DNAH17: variants seen among roughly 807,000 people sequenced by gnomAD.
DNAH17 encodes axonemal beta dynein heavy chain 17.
In DNAH17, 376 loss-of-function variants were observed where a neutral mutation model predicts 485.6. That is an observed-to-expected ratio of 0.77 (90% CI 0.71 to 0.84). The LOEUF (loss-of-function observed/expected upper bound fraction) is 0.84, where lower values mean the gene tolerates loss of function less well. DNAH17 is among the 40% of genes least tolerant of loss of function. The pLI is 0.00. For synonymous variants in DNAH17, 3,031 were observed against 2,405.9 expected (o/e 1.26, Z -7.60); for missense variants, 6,370 against 5,839.3 (o/e 1.09, Z -2.96).
At chr17:78,482,213 C>T (rs889018448) in intron 48 of DNAH17, among the ~76,000 whole-genome samples, 7 of 151,690 alleles carry the variant, frequency 4.6e-5, no homozygotes, top group Admixed American at 1.3e-4. Context: ...CTACCATGCC[C>T]GGCTAAGTTT....
intron 16 of DNAH17, among the ~76,000 whole-genome samples, chr17:78,544,893 C>T (rs952271084): frequency 1.3e-5 from 2 of 149,898 alleles, no homozygotes; most frequent in African/African-American, 2.5e-5. Flanking sequence ...ATTTTTTTTC[C>T]CTACACATCT....
intron 25 of DNAH17, 145 bp downstream of exon 25, chr17:78,524,864 G>T (rs992595520): frequency 1.6e-5 from 18 of 1,119,998 alleles, no homozygotes; most frequent in Non-Finnish European, 2.1e-5. Flanking sequence ...CGATCTCAGG[G>T]CCCTTCGGAT....
intron 30 of DNAH17, among the ~76,000 whole-genome samples, 191 bp downstream of exon 30, chr17:78,506,529 G>A (rs954174558): frequency 1.1e-4 from 16 of 152,186 alleles, no homozygotes; most frequent in Non-Finnish European, 2.1e-4. Context: ...AGCAGGATGT[G>A]AGGCGAGTCC....
chr17:78,455,826 C>T lies in DNAH17; in HGVS notation c.9988G>A (p.Gly3330Arg), dbSNP rs759855001. The change falls in exon 63 of 81, where the codon GGA (glycine) becomes AGA (arginine). Residue 3330 changes from glycine to arginine, a missense_variant. Physicochemically the swap from Gly to Arg is moderately radical, Grantham distance 125. Coordinates refer to ENST00000389840, the MANE Select transcript of DNAH17 (RefSeq NM_173628.4). The stretch of plus-strand genomic sequence containing the variant: ...CAGCGGATGTTTTCCGATGCTAATC[C>T]CCCGACCAGCCTAAAGTGGGATGAG... Reference protein sequence around the residue: ...VILLANRLVGGLASENIRWAE... With the variant: ...VILLANRLVGRLASENIRWAE... The T allele has an allele frequency of 6.2e-7, 1 of 1,602,142 alleles. No homozygotes were observed. Among genetic ancestry groups the T allele is most frequent in the South Asian group, 1.1e-5 (1 of 89,638 alleles).
At position 78,557,665 on chromosome 17, in the gene DNAH17, T is replaced by G. The variant is rs765945342; in HGVS notation, c.2178+443A>C. ...AAAAAAAAAAAAAAAAAAAAAAAAGTAACGTAAGCCAAAGCCCAGTGGGAA... is the reference window on the plus strand; with the variant it reads ...AAAAAAAAAAAAAAAAAAAAAAAAGGAACGTAAGCCAAAGCCCAGTGGGAA... On this transcript the variant is annotated intron_variant, in intron 14 of 80. Coordinates refer to ENST00000389840, the MANE Select transcript of DNAH17 (RefSeq NM_173628.4). Among the ~76,000 whole-genome samples, 376 of 88,574 alleles carry G rather than the reference T, an allele frequency of 4.2e-3. 6 individuals carry two copies. In the East Asian group the frequency reaches 0.05, roughly 12 times the overall value. The allele number at this position is 88,574 out of a possible 152,430, so 58.1% of individuals were successfully genotyped here.
chr17:78,493,177 C>G (rs530465727), intron 41 of DNAH17: 38 of 170,754 alleles, frequency 2.2e-4, no homozygotes, highest in Non-Finnish European at 3.4e-4. Context: ...AACCACCAGG[C>G]TGAACCCTTC....
intron 27 of DNAH17, among the ~76,000 whole-genome samples, chr17:78,509,744 C>A (rs74001393): frequency 1.3e-5 from 2 of 151,992 alleles, no homozygotes; most frequent in South Asian, 2.1e-4. Flanking sequence ...AAACAACTGA[C>A]GTCCATGGAG....
chr17:78,430,288 A>G (rs533259204), intron 75 of DNAH17, among the ~76,000 whole-genome samples: 1 of 152,006 alleles, frequency 6.6e-6, no homozygotes, highest in Admixed American at 6.5e-5. Context: ...TTTAAAAGAG[A>G]TCATTCCAAC....
chr17:78,542,306 C>T (rs2091617195), intron 17 of DNAH17, among the ~76,000 whole-genome samples: 1 of 152,046 alleles, frequency 6.6e-6, no homozygotes, highest in Non-Finnish European at 1.5e-5. Context: ...TACCACTATA[C>T]CTGGCTAATT....
At position 78,505,448 on chromosome 17, in the gene DNAH17, G is replaced by C. The variant is rs1304993252; in HGVS notation, c.4804-3C>G. 1 of 1,614,000 alleles carries C rather than the reference G, an allele frequency of 6.2e-7. No homozygotes were observed. The highest frequency in any genetic ancestry group is 2.2e-5 in the East Asian group (1 of 44,884). The stretch of plus-strand genomic sequence containing the variant: ...AGTTTGGACAGGTGGCGGCTCACCT[G>C]GGAGGAGGCAAGAAGCGGGAATTAT... On this transcript the variant is annotated splice_polypyrimidine_tract_variant and splice_region_variant and intron_variant, in intron 30 of 80. Coordinates refer to ENST00000389840, the MANE Select transcript of DNAH17 (RefSeq NM_173628.4).
At chr17:78,426,033 G>C (rs2086442672) in intron 79 of DNAH17, among the ~76,000 whole-genome samples, 1 of 152,170 alleles carries the variant, frequency 6.6e-6, no homozygotes, top group Non-Finnish European at 1.5e-5. Context: ...AAAGTGCTGG[G>C]ATTACAGGTG....
chr17:78,461,738 G>C, intron 57 of DNAH17, 30 bp from the exon 58 acceptor site: 1 of 1,594,708 alleles, frequency 6.3e-7, no homozygotes, highest in East Asian at 2.3e-5. Flanking sequence ...GAAACAGCAA[G>C]TGTGGGCCGC....
At chr17:78,546,837 G>A (rs62075915) in intron 16 of DNAH17, among the ~76,000 whole-genome samples, 30,493 of 152,018 alleles carry the variant, frequency 0.2, 4,017 homozygotes, top group Non-Finnish European at 0.28. Flanking sequence ...ACCCAGAGGC[G>A]GAGGTTGCAG....
intron 11 of DNAH17, among the ~76,000 whole-genome samples, chr17:78,565,571 C>T (rs934962608): frequency 2.0e-5 from 3 of 152,188 alleles, no homozygotes; most frequent in Non-Finnish European, 4.4e-5. Flanking sequence ...GGAGCTGGTC[C>T]GGCTAAACTG....
In DNAH17 at chr17:78,537,364, C is replaced by A; in HGVS notation, c.2794G>T (p.Val932Phe). 6.2e-7 allele frequency: 1 copy of A among 1,610,568 alleles called. No individual in the cohort carries two copies. The highest frequency in any genetic ancestry group is 2.2e-5 in the East Asian group (1 of 44,778). The change falls in exon 19 of 81, where the codon GTC (valine) becomes TTC (phenylalanine). Residue 932 changes from valine to phenylalanine, a missense_variant. Physicochemically the swap from Val to Phe is conservative, Grantham distance 50. Transcript: ENST00000389840. ...RGFLALIEGL[V>F]NDIYNVARLI... ...CTGGCTACGTTGTAGATGTCGTTGA[C>A]CAGGCCCTCGATCAGTGCCAGGAAG...
Position 78,455,804 on chromosome 17 carries a change from C to A in DNAH17, c.10010G>T (p.Arg3337Leu). The A allele has an allele frequency of 1.2e-6, 2 of 1,607,652 alleles. No homozygotes were observed. The highest frequency in any genetic ancestry group is 3.3e-4 in the Middle Eastern group (2 of 6,038). Residue 3337 changes from arginine (R) to leucine (L), a missense_variant, in exon 63 of 81, where the codon CGC (arginine) becomes CTC (leucine). Transcript: ENST00000389840. Reference sequence around the variant, plus strand: ...GAAGTTCTCCACAGACTCAGCCCAGCGGATGTTTTCCGATGCTAATCCCCC... The same window carrying A: ...GAAGTTCTCCACAGACTCAGCCCAGAGGATGTTTTCCGATGCTAATCCCCC... ...LVGGLASENI[R>L]WAESVENFRS...
intron 74 of DNAH17, among the ~76,000 whole-genome samples, chr17:78,437,107 T>C (rs1486858280): frequency 6.6e-6 from 1 of 152,150 alleles, no homozygotes; most frequent in Non-Finnish European, 1.5e-5. Flanking sequence ...TAGCTAGCTG[T>C]GTTTTGCCAG....
At chr17:78,564,077 G>A (rs2092216998) in intron 11 of DNAH17, among the ~76,000 whole-genome samples, 1 of 152,172 alleles carries the variant, frequency 6.6e-6, no homozygotes, top group African/African-American at 2.4e-5. Context: ...TTCCTCGCTA[G>A]CTCCATTCTG....
At chr17:78,448,773 G>T (rs887847992) in intron 69 of DNAH17, among the ~76,000 whole-genome samples, 1 of 152,120 alleles carries the variant, frequency 6.6e-6, no homozygotes, top group African/African-American at 2.4e-5. Context: ...AAGGAGTTTG[G>T]CCCGTTTTGT....
Sources: gnomAD v4.1 joint callset for allele counts (sites outside exome capture counted in the v4.1 genomes callset) on GRCh38, gnomAD v4.1.1 for gene constraint, MANE v1.5 for transcripts, NCBI Gene and HGNC (gene_info 2026-07-23, HGNC 2026-07-21) for gene names.